The following STPG2 variants were observed in gnomAD, a reference collection of about 807,000 sequenced individuals.
STPG2 encodes sperm tail PG-rich repeat containing 2, also known as sperm-tail PG-rich repeat-containing protein 2.
Under a neutral mutation model 54.2 loss-of-function variants are expected in STPG2, and 56 were observed. The ratio of observed to expected loss-of-function variants is 1.03; its 90% confidence interval spans 0.83 to 1.29. The LOEUF is 1.29. STPG2 is among the 50% of genes most tolerant of loss of function. The probability of loss-of-function intolerance (pLI) is 0.00; values close to 1 mark genes in which losing one functional copy is unlikely to be tolerated. For missense variants in STPG2, 596 were observed against 544.9 expected, an observed-to-expected ratio of 1.09 and a Z score of -0.93; for synonymous variants, 200 against 181.8, an observed-to-expected ratio of 1.10 and a Z score of -0.81.
chr4:97,886,385 C>A (rs1406187551), intron 8 of STPG2, among the ~76,000 whole-genome samples: 1 of 152,018 alleles, frequency 6.6e-6, no homozygotes, highest in Non-Finnish European at 1.5e-5. Flanking sequence ...AAAACAGGAA[C>A]CAAAGATTTT....
rs374901463 is a variant in STPG2, at chr4:97,723,228, A to AT, written c.1205-10415dup. Among the ~76,000 whole-genome samples the AT allele has an allele frequency of 4.5e-3, 674 of 148,838 alleles. 3 individuals carry two copies. The highest frequency in any genetic ancestry group is 0.015 in the African/African-American group (600 of 40,632). On this transcript the variant is annotated intron_variant, in intron 9 of 10. Transcript: ENST00000295268. ...TTCGTTTTAAAATAGTTAAGCTTAG[A>AT]TTTTTTTTTTATAGTCGTTACTTTT...
chr4:97,665,360 A>T (rs1465730945), intron 10 of STPG2, among the ~76,000 whole-genome samples: 2 of 152,150 alleles, frequency 1.3e-5, no homozygotes, highest in Non-Finnish European at 2.9e-5. Context: ...GAGCAATAGA[A>T]CAGCTCAGAG....
At chr4:97,672,940 C>A (rs1196247329) in intron 10 of STPG2, among the ~76,000 whole-genome samples, 1 of 152,188 alleles carries the variant, frequency 6.6e-6, no homozygotes, top group Non-Finnish European at 1.5e-5. Flanking sequence ...TAGAACTTCC[C>A]CAGTTCCCTT....
chr4:97,500,348 G>T (rs1332535853), intron 4 of STPG2, among the ~76,000 whole-genome samples: 1 of 151,942 alleles, frequency 6.6e-6, no homozygotes, highest in Admixed American at 6.6e-5. Flanking sequence ...ATTGAGATGG[G>T]GAAGACTATT....
At chr4:97,708,752 T>G (rs962416738) in intron 10 of STPG2, among the ~76,000 whole-genome samples, 2 of 151,734 alleles carry the variant, frequency 1.3e-5, no homozygotes, top group African/African-American at 4.8e-5. Context: ...TACATATATG[T>G]TAATGCATTT....
chr4:97,841,512 A>G (rs1053339829), intron 8 of STPG2, among the ~76,000 whole-genome samples: 1 of 151,878 alleles, frequency 6.6e-6, no homozygotes, highest in Non-Finnish European at 1.5e-5. Context: ...TAAGTGCCAT[A>G]TATTTGTTGG....
At chr4:97,743,720 C>G (rs147601637) in intron 9 of STPG2, among the ~76,000 whole-genome samples, 1 of 151,632 alleles carries the variant, frequency 6.6e-6, no homozygotes, top group Non-Finnish European at 1.5e-5. Context: ...GACAAATGCA[C>G]ATATATGCCT....
intron 7 of STPG2, among the ~76,000 whole-genome samples, chr4:97,971,009 C>T (rs908735677): frequency 3.3e-5 from 5 of 152,154 alleles, no homozygotes; most frequent in African/African-American, 1.2e-4. Context: ...TGTGAACAGA[C>T]ACTTCTCAAA....
At chr4:97,449,168 A>G (rs888022714) in intron 4 of STPG2, among the ~76,000 whole-genome samples, 1 of 152,118 alleles carries the variant, frequency 6.6e-6, no homozygotes, top group African/African-American at 2.4e-5. Context: ...GGTAGAGGCA[A>G]AAACCTTTGA....
chr4:97,798,685 GA>G (rs1727283728), intron 9 of STPG2, among the ~76,000 whole-genome samples: 1 of 124,478 alleles, frequency 8.0e-6, no homozygotes, highest in South Asian at 3.2e-4. Flanking sequence ...GCATTCTGCA[GA>G]TGTCTATTAG....
chr4:97,808,873 A>G (rs1009416320), intron 9 of STPG2, among the ~76,000 whole-genome samples: 23 of 152,006 alleles, frequency 1.5e-4, no homozygotes, highest in African/African-American at 5.3e-4. Context: ...AAAAAAGCTA[A>G]AACTAAAAAG....
intron 10 of STPG2, among the ~76,000 whole-genome samples, chr4:97,709,070 G>T (rs1411446739): frequency 2.0e-5 from 3 of 151,712 alleles, no homozygotes; most frequent in African/African-American, 7.2e-5. Context: ...TCTAAAATGT[G>T]ATGTGAAGTC....
intron 9 of STPG2, among the ~76,000 whole-genome samples, chr4:97,801,329 C>A (rs975393758): frequency 3.3e-5 from 5 of 152,178 alleles, no homozygotes; most frequent in African/African-American, 1.2e-4. Context: ...GGAACCTCCC[C>A]ATTTCTACAC....
chr4:98,100,547 A>G (rs1738994339), intron 5 of STPG2, among the ~76,000 whole-genome samples: 1 of 151,898 alleles, frequency 6.6e-6, no homozygotes, highest in African/African-American at 2.4e-5. Flanking sequence ...TTTATGTACC[A>G]TCTATTGTAA....
At chr4:97,700,342 A>G (rs1723730040) in intron 10 of STPG2, among the ~76,000 whole-genome samples, 1 of 152,210 alleles carries the variant, frequency 6.6e-6, no homozygotes, top group Non-Finnish European at 1.5e-5. Flanking sequence ...TGGGTCACTC[A>G]ACAAATGGGC....
At chr4:97,768,153 C>T (rs931623988) in intron 9 of STPG2, among the ~76,000 whole-genome samples, 9 of 144,664 alleles carry the variant, frequency 6.2e-5, no homozygotes, top group South Asian at 2.2e-4. Context: ...GGCAACAGAG[C>T]GAGACTCCGT....
chr4:97,571,339 C>G (rs912269965), intron 10 of STPG2, among the ~76,000 whole-genome samples: 7 of 152,042 alleles, frequency 4.6e-5, no homozygotes, highest in Admixed American at 4.6e-4. Flanking sequence ...ACCTGACAGC[C>G]AGGGCTCTTA....
At chr4:97,933,638 T>G (rs893305829) in intron 8 of STPG2, among the ~76,000 whole-genome samples, 6 of 152,328 alleles carry the variant, frequency 3.9e-5, no homozygotes, top group South Asian at 2.1e-4. Context: ...CCCCCTTGCC[T>G]GTTTTTGTCA....
At chr4:97,932,064 T>C (rs1732568727) in intron 8 of STPG2, among the ~76,000 whole-genome samples, 1 of 152,234 alleles carries the variant, frequency 6.6e-6, no homozygotes. Context: ...TGGCTGATTT[T>C]ATTTCTGTGG....
Sources: gnomAD v4.1 joint callset for allele counts (sites outside exome capture counted in the v4.1 genomes callset) on GRCh38, gnomAD v4.1.1 for gene constraint, MANE v1.5 for transcripts, NCBI Gene and HGNC (gene_info 2026-07-23, HGNC 2026-07-21) for gene names.